Variants in PDGFRA observed in about 807,000 individuals in gnomAD.
The protein encoded by PDGFRA is platelet-derived growth factor receptor alpha.
Under a neutral mutation model 121.5 loss-of-function variants are expected in PDGFRA, and 25 were observed. The observed-to-expected ratio is 0.21, with a 90% confidence interval of 0.15 to 0.29. The LOEUF (loss-of-function observed/expected upper bound fraction) is 0.29, where lower values mean the gene tolerates loss of function less well. PDGFRA is among the 10% of genes least tolerant of loss of function. The pLI is 1.00. For synonymous variants in PDGFRA, 463 were observed against 494.8 expected (o/e 0.94, Z 0.85); for missense variants, 1,008 against 1,345.1 (o/e 0.75, Z 3.92).
intron 2 of PDGFRA, among the ~76,000 whole-genome samples, 155 bp downstream of exon 2, chr4:54,258,972 C>A (rs185907393): frequency 1.3e-5 from 2 of 152,174 alleles, no homozygotes; most frequent in African/African-American, 2.4e-5. Context: ...TGACCACAAA[C>A]CTTCAGTTCC....
At chr4:54,273,996 C>T (rs1490273702) in intron 10 of PDGFRA, among the ~76,000 whole-genome samples, 1 of 152,186 alleles carries the variant, frequency 6.6e-6, no homozygotes, top group Non-Finnish European at 1.5e-5. Context: ...GATTCAGATC[C>T]AAAACTGCAT....
rs1002397102 is a variant in PDGFRA, at chr4:54,298,084, A to G, written c.*2812A>G. On this transcript the variant is annotated 3_prime_UTR_variant, in exon 23 of 23. Transcript: ENST00000257290. ...AGAAATAATAAAAAGAAAGATACTT[A>G]CATGTTCCCAAAACAATGGTGTGGT... 4.5e-6 allele frequency: 1 copy of G among 223,456 alleles called. No individual in the cohort carries two copies. Among genetic ancestry groups the G allele is most frequent in the African/African-American group, 2.2e-5 (1 of 44,800 alleles). 13.8% of individuals were successfully genotyped at this position (223,456 alleles called of 1,614,324 possible).
chr4:54,245,752 A>G (rs370296412), intron 1 of PDGFRA, among the ~76,000 whole-genome samples: 4 of 152,258 alleles, frequency 2.6e-5, no homozygotes, highest in African/African-American at 9.6e-5. Flanking sequence ...TGCTTCAATC[A>G]AAAGACACAG....
At chr4:54,290,884 T>C (rs1724598932) in intron 22 of PDGFRA, among the ~76,000 whole-genome samples, 1 of 152,162 alleles carries the variant, frequency 6.6e-6, no homozygotes, top group South Asian at 2.1e-4. Context: ...TCTCCTGCCA[T>C]TGTCTTAAAT....
intron 15 of PDGFRA, 147 bp downstream of exon 15, chr4:54,278,662 A>G (rs1723896188): frequency 5.3e-6 from 4 of 757,774 alleles, no homozygotes; most frequent in African/African-American, 5.2e-5. Context: ...CAGTCTTTCC[A>G]TGGTCATGCA....
chr4:54,268,093 A>G (rs898266203), intron 7 of PDGFRA, among the ~76,000 whole-genome samples: 3 of 152,232 alleles, frequency 2.0e-5, no homozygotes, highest in Non-Finnish European at 2.9e-5. Context: ...GCAAGTAGAC[A>G]GATATGGTGA....
In PDGFRA at chr4:54,295,601, T is replaced by G; in HGVS notation, c.*329T>G. The G allele has an allele frequency of 2.4e-6, 1 of 422,526 alleles. No individual in the cohort carries two copies. Among genetic ancestry groups the G allele is most frequent in the South Asian group, 2.8e-5 (1 of 36,118 alleles). The allele number at this position is 422,526 out of a possible 1,614,324, so 26.2% of individuals were successfully genotyped here. A position where few individuals can be genotyped will look rare whatever the true frequency, so the allele number is the denominator to read the frequency against. ...AGAGTCCAACAGACACAATTTATAC[T>G]GCGACAGAACTTCAGCATTGTAATT... On this transcript the variant is annotated 3_prime_UTR_variant, in exon 23 of 23. Transcript: ENST00000257290.
chr4:54,295,414 C>A lies in PDGFRA; in HGVS notation c.*142C>A. 3.9e-6 allele frequency: 3 copies of A among 763,000 alleles called. No individual in the cohort carries two copies. Among genetic ancestry groups the A allele is most frequent in the Non-Finnish European group, 4.4e-6 (2 of 450,008 alleles). The allele number at this position is 763,000 out of a possible 1,614,324, so 47.3% of individuals were successfully genotyped here. On this transcript the variant is annotated 3_prime_UTR_variant, in exon 23 of 23. Coordinates refer to ENST00000257290, the MANE Select transcript of PDGFRA (RefSeq NM_006206.6). ...GTTCCCAGCCAAGGGCCTCGGGGAG[C>A]GTTCTAAATATGAATGAATGGGATA...
In PDGFRA at chr4:54,261,079, G is replaced by T. The variant is rs767694299; in HGVS notation, c.50-16G>T. 3 of 1,612,216 alleles carry T rather than the reference G, an allele frequency of 1.9e-6. No individual in the cohort carries two copies. The South Asian group carries it at 3.3e-5, about 18-fold the overall frequency. ...TTTCTGACTGCATCCTATTCAGAGC[G>T]TGCTTCCTTTTGCAGGGCTGAGCCT... is the stretch of plus-strand genomic sequence containing the variant. On this transcript the variant is annotated splice_polypyrimidine_tract_variant and intron_variant, in intron 2 of 22. Transcript: ENST00000257290.
At position 54,287,475 on chromosome 4, in the gene PDGFRA, A is replaced by G; in HGVS notation, c.2608A>G (p.Asn870Asp). Residue 870 changes from asparagine to aspartate, a missense_variant, in exon 19 of 23, where the codon AAC becomes GAC. By Grantham distance (23) the Asn-to-Asp change is conservative. Coordinates refer to ENST00000257290, the MANE Select transcript of PDGFRA (RefSeq NM_006206.6). ...KWMAPESIFDNLYTTLSDVWS... is the reference protein window; with the variant it reads ...KWMAPESIFDDLYTTLSDVWS... ...GATGGCTCCTGAGAGCATCTTTGAC[A>G]ACCTCTACACCACACTGAGTGATGT... is the stretch of plus-strand genomic sequence containing the variant. The G allele has an allele frequency of 6.3e-7, 1 of 1,581,606 alleles. No individual in the cohort carries two copies. The highest frequency in any genetic ancestry group is 1.7e-4 in the Middle Eastern group (1 of 6,012).
intron 1 of PDGFRA, among the ~76,000 whole-genome samples, chr4:54,232,386 A>G (rs982046652): frequency 5.9e-5 from 9 of 152,196 alleles, no homozygotes; most frequent in East Asian, 1.9e-4. Flanking sequence ...AAACTGATCA[A>G]TGAGCGAACC....
At chr4:54,259,027 A>G (rs1402356206) in intron 2 of PDGFRA, among the ~76,000 whole-genome samples, 1 of 152,212 alleles carries the variant, frequency 6.6e-6, no homozygotes, top group African/African-American at 2.4e-5. Flanking sequence ...AATGCTCTCC[A>G]GTGGCAGTTT....
chr4:54,278,108 C>T (rs1017050376), intron 14 of PDGFRA, 102 bp downstream of exon 14: 1 of 793,532 alleles, frequency 1.3e-6, no homozygotes, highest in Non-Finnish European at 2.2e-6. Context: ...CCACACATGG[C>T]AGGGAATAGA....
At chr4:54,284,848 A>G (rs1210852760) in intron 16 of PDGFRA, among the ~76,000 whole-genome samples, 1 of 146,710 alleles carries the variant, frequency 6.8e-6, no homozygotes, top group Non-Finnish European at 1.5e-5. Context: ...ATGTTTCTGC[A>G]TATCTCTTTC....
rs1722869373 is a variant in PDGFRA at position 54,263,662 on chromosome 4, C to T, written c.368-5C>T. The T allele has an allele frequency of 6.2e-7, 1 of 1,613,220 alleles. No homozygotes were observed. The highest frequency in any genetic ancestry group is 8.5e-7 in the Non-Finnish European group (1 of 1,179,328). ...ATAGAGTCTTCATTCTTTTTTAAAC[C>T]ACAGACCCAGATGTAGCCTTTGTAC... On this transcript the variant is annotated splice_polypyrimidine_tract_variant and splice_region_variant and intron_variant, in intron 3 of 22. Coordinates refer to ENST00000257290, the MANE Select transcript of PDGFRA (RefSeq NM_006206.6).
chr4:54,272,527 A>G lies in PDGFRA; in HGVS notation c.1364+7A>G. The G allele has an allele frequency of 6.2e-7, 1 of 1,613,514 alleles. No homozygotes were observed. On this transcript the variant is annotated splice_region_variant and intron_variant, in intron 9 of 22. Transcript: ENST00000257290. ...TATGCAAAGATATTAAGAAGTATGG[A>G]AAACAGATGTGTCTTCTTCTTTCGT...
intron 1 of PDGFRA, among the ~76,000 whole-genome samples, chr4:54,247,470 A>G (rs1290291806): frequency 6.6e-6 from 1 of 152,192 alleles, no homozygotes; most frequent in African/African-American, 2.4e-5. Flanking sequence ...GACAAAAACC[A>G]CATGATTATC....
intron 16 of PDGFRA, among the ~76,000 whole-genome samples, chr4:54,283,821 T>A (rs1724185319): frequency 6.6e-6 from 1 of 152,222 alleles, no homozygotes; most frequent in Non-Finnish European, 1.5e-5. Context: ...CAGGCTAGTT[T>A]GAACTCTTGG....
chr4:54,267,752 T>A lies in PDGFRA; in HGVS notation c.1121+11T>A, dbSNP rs1553903366. On this transcript the variant is annotated intron_variant, in intron 7 of 22. Transcript: ENST00000257290. ...GATTCAGGAAATAAGGTAAAGAAAC[T>A]CTCTGCCCAAGTATGCCTTTTTTTA... 1.2e-6 allele frequency: 2 copies of A among 1,611,448 alleles called. No individual in the cohort carries two copies. Among genetic ancestry groups the A allele is most frequent in the East Asian group, 4.5e-5 (2 of 44,834 alleles).
Sources: allele counts gnomAD v4.1 joint callset (sites outside exome capture counted in the v4.1 genomes callset), GRCh38; gene constraint gnomAD v4.1.1; transcripts MANE v1.5; gene names NCBI Gene and HGNC (gene_info 2026-07-23, HGNC 2026-07-21).